Variants in FUNDC2 observed in about 807,000 individuals in gnomAD.
The protein encoded by FUNDC2 is FUN14 domain containing 2, also known as FUN14 domain-containing protein 2.
A neutral mutation model predicts 15.6 loss-of-function variants in FUNDC2; 4 were observed. That is an observed-to-expected ratio of 0.26 (90% CI 0.13 to 0.59). The LOEUF (loss-of-function observed/expected upper bound fraction) is 0.59. Among genes scored for constraint, FUNDC2 ranks in the 20% least tolerant of loss-of-function variants. The probability of loss-of-function intolerance (pLI) is 0.90; values close to 1 mark genes in which losing one functional copy is unlikely to be tolerated. For synonymous variants in FUNDC2, 44 were observed against 56.9 expected (o/e 0.77, Z 1.02); for missense variants, 98 against 149.7 (o/e 0.65, Z 1.80).
In FUNDC2 at chrX:155,058,150, G is replaced by A. The variant is rs1262806159; in HGVS notation, c.*3478G>A. On this transcript the variant is annotated 3_prime_UTR_variant, in exon 5 of 5. Transcript: ENST00000369498. Reference sequence around the variant, plus strand: ...GGTTCTTGACTCCCCTACCACTGGGGTGACAGTCCTTGCTACTGGATCTGG... The same window carrying A: ...GGTTCTTGACTCCCCTACCACTGGGATGACAGTCCTTGCTACTGGATCTGG... 2 of 111,578 alleles carry A rather than the reference G, an allele frequency of 1.8e-5. No homozygotes were observed. Among genetic ancestry groups the A allele is most frequent in the Admixed American group, 9.5e-5 (1 of 10,534 alleles). The allele number at this position is 111,578 out of a possible 1,213,427, so 9.2% of individuals were successfully genotyped here.
At position 155,059,350 on chromosome X, in the gene FUNDC2, A is replaced by G. The variant is rs1263004973; in HGVS notation, c.*4678A>G. ...TCACCCCACAAATGACTTACCCATT[A>G]CGAAGGGAAAACTACCTTTCTAGCT... On this transcript the variant is annotated 3_prime_UTR_variant, in exon 5 of 5. Transcript: ENST00000369498. The G allele has an allele frequency of 1.8e-5, 2 of 112,099 alleles. No individual in the cohort carries two copies. Among genetic ancestry groups the G allele is most frequent in the Admixed American group, 9.4e-5 (1 of 10,629 alleles). The allele number at this position is 112,099 out of a possible 1,213,427, so 9.2% of individuals were successfully genotyped here. A position where few individuals can be genotyped will look rare whatever the true frequency, so the allele number is the denominator to read the frequency against.
Position 155,055,865 on chromosome X carries a change from C to T in FUNDC2, c.*1193C>T, listed in dbSNP as rs1348612565. The T allele has an allele frequency of 1.8e-5, 2 of 112,138 alleles. No homozygotes were observed. The highest frequency in any genetic ancestry group is 6.5e-5 in the African/African-American group (2 of 30,846). 9.2% of individuals were successfully genotyped at this position (112,138 alleles called of 1,213,427 possible). A position where few individuals can be genotyped will look rare whatever the true frequency, so the allele number is the denominator to read the frequency against. Reference sequence around the variant, plus strand: ...GTTAGTTTTACTCAGAATTGTTAATCTTGGAGATGATCTCTTGTGAAATAT... The same window carrying T: ...GTTAGTTTTACTCAGAATTGTTAATTTTGGAGATGATCTCTTGTGAAATAT... On this transcript the variant is annotated 3_prime_UTR_variant, in exon 5 of 5. Coordinates refer to ENST00000369498, the MANE Select transcript of FUNDC2 (RefSeq NM_023934.4).
intron 2 of FUNDC2, among the ~76,000 whole-genome samples, chrX:155,034,213 A>G (rs1369251533): frequency 8.9e-6 from 1 of 112,753 alleles, no homozygotes; most frequent in African/African-American, 3.2e-5. Flanking sequence ...TTTTCTTTGT[A>G]GTTTTAACAC....
At chrX:155,030,137 AC>A (rs1557288608) in intron 1 of FUNDC2, among the ~76,000 whole-genome samples, 1 of 110,913 alleles carries the variant, frequency 9.0e-6, no homozygotes, top group African/African-American at 3.3e-5. Context: ...TTTTCTATAT[AC>A]ACCGTTATAT....
In FUNDC2 at chrX:155,054,831, T is replaced by G; in HGVS notation, c.*159T>G. 1 of 475,599 alleles carries G rather than the reference T, an allele frequency of 2.1e-6. No individual in the cohort carries two copies. Among genetic ancestry groups the G allele is most frequent in the Non-Finnish European group, 3.7e-6 (1 of 271,752 alleles). 39.2% of individuals were successfully genotyped at this position (475,599 alleles called of 1,213,427 possible). On this transcript the variant is annotated 3_prime_UTR_variant, in exon 5 of 5. Coordinates refer to ENST00000369498, the MANE Select transcript of FUNDC2 (RefSeq NM_023934.4). ...CTAAGCATCTGCTGGTACAAGTCAA[T>G]GTGGCACCATGAGCTTCATGGTGGC... is the stretch of plus-strand genomic sequence containing the variant.
intron 1 of FUNDC2, chrX:155,027,458 T>C (rs1557288381): frequency 1.7e-5 from 2 of 119,980 alleles, no homozygotes; most frequent in African/African-American, 6.4e-5. Context: ...AACTGCTTTA[T>C]TGTTGGTTTT....
rs187149300 is a variant in FUNDC2 at position 155,059,932 on chromosome X, T to G, written c.*5260T>G. The G allele has an allele frequency of 2.7e-5, 3 of 111,460 alleles. No homozygotes were observed. In the Admixed American group the frequency reaches 2.9e-4, roughly 11 times the overall value. 9.2% of individuals were successfully genotyped at this position (111,460 alleles called of 1,213,427 possible). A position where few individuals can be genotyped will look rare whatever the true frequency, so the allele number is the denominator to read the frequency against. On this transcript the variant is annotated 3_prime_UTR_variant, in exon 5 of 5. Transcript: ENST00000369498. ...CCATGTGGAGTGCTCACTCCCCTTTTGCTTTCTGCCATGGCTGTAAGTTTC... is the reference window on the plus strand; with the variant it reads ...CCATGTGGAGTGCTCACTCCCCTTTGGCTTTCTGCCATGGCTGTAAGTTTC...
intron 3 of FUNDC2, among the ~76,000 whole-genome samples, chrX:155,048,814 TTCAG>T (rs1458007084): frequency 1.8e-5 from 2 of 112,503 alleles, no homozygotes; most frequent in Non-Finnish European, 3.8e-5. Context: ...ACATCTGTGA[TTCAG>T]TTTTATTCCT....
Position 155,059,924 on chromosome X carries a change from T to C in FUNDC2, c.*5252T>C. The C allele has an allele frequency of 8.8e-6, 1 of 113,269 alleles. No homozygotes were observed. The highest frequency in any genetic ancestry group is 1.9e-5 in the Non-Finnish European group (1 of 53,392). The allele number at this position is 113,269 out of a possible 1,213,427, so 9.3% of individuals were successfully genotyped here. On this transcript the variant is annotated 3_prime_UTR_variant, in exon 5 of 5. Coordinates refer to ENST00000369498, the MANE Select transcript of FUNDC2 (RefSeq NM_023934.4). Reference sequence around the variant, plus strand: ...TGCTTTGGCCATGTGGAGTGCTCACTCCCCTTTTGCTTTCTGCCATGGCTG... The same window carrying C: ...TGCTTTGGCCATGTGGAGTGCTCACCCCCCTTTTGCTTTCTGCCATGGCTG...
Position 155,058,281 on chromosome X carries a change from G to C in FUNDC2, c.*3609G>C, listed in dbSNP as rs1212529747. 1.8e-5 allele frequency: 2 copies of C among 111,389 alleles called. No homozygotes were observed. Among genetic ancestry groups the C allele is most frequent in the African/African-American group, 3.3e-5 (1 of 30,546 alleles). 9.2% of individuals were successfully genotyped at this position (111,389 alleles called of 1,213,427 possible). On this transcript the variant is annotated 3_prime_UTR_variant, in exon 5 of 5. Coordinates refer to ENST00000369498, the MANE Select transcript of FUNDC2 (RefSeq NM_023934.4). ...ATTCTAGCCAACATGCTCTTGGGGT[G>C]GGTGCTTCTGGTTTTGGAAAGCAAA...
Position 155,027,065 on chromosome X carries a change from A to G in FUNDC2, c.127A>G (p.Ser43Gly), listed in dbSNP as rs1313321594. ...CAAGCTCACCGAAATGGCCGCGTCCAGTCAAGGTAAGGGCGGGCGCGCGCG... is the reference window on the plus strand; with the variant it reads ...CAAGCTCACCGAAATGGCCGCGTCCGGTCAAGGTAAGGGCGGGCGCGCGCG... ...RDKLTEMAAS[S>G]QGNFEGNFES... is the part of the protein sequence containing the mutation. The change falls in exon 1 of 5, where the codon AGT (serine) becomes GGT (glycine). Residue 43 changes from serine to glycine, a missense_variant. Coordinates refer to ENST00000369498, the MANE Select transcript of FUNDC2 (RefSeq NM_023934.4). 16 of 1,177,493 alleles carry G rather than the reference A, an allele frequency of 1.4e-5. No individual in the cohort carries two copies. In the Admixed American group the frequency reaches 2.1e-4, roughly 15 times the overall value.
chrX:155,041,610 T>C (rs2073846322), intron 2 of FUNDC2, among the ~76,000 whole-genome samples: 1 of 111,413 alleles, frequency 9.0e-6, no homozygotes. Context: ...GATCACTTAG[T>C]GTAGAATTCT....
At chrX:155,027,571 T>C (rs1557288389) in intron 1 of FUNDC2, among the ~76,000 whole-genome samples, 15 of 112,313 alleles carry the variant, frequency 1.3e-4, no homozygotes, top group Admixed American at 1.3e-3. Flanking sequence ...CTTTAAGTTA[T>C]GCGTCTTACC....
intron 2 of FUNDC2, among the ~76,000 whole-genome samples, chrX:155,039,558 T>A (rs184882153): frequency 1.8e-5 from 2 of 112,362 alleles, no homozygotes; most frequent in East Asian, 5.5e-4. Context: ...CTTTTGCATG[T>A]GGATAAACAG....
intron 3 of FUNDC2, among the ~76,000 whole-genome samples, chrX:155,047,944 G>A (rs2073867944): frequency 9.0e-6 from 1 of 111,011 alleles, no homozygotes; most frequent in South Asian, 3.8e-4. Context: ...TCCCTGCAAG[G>A]TGGGGCCCCT....
chrX:155,053,723 G>A, intron 4 of FUNDC2: 1 of 450,806 alleles, frequency 2.2e-6, no homozygotes, highest in Non-Finnish European at 2.8e-6. Flanking sequence ...CAGGGTGTGA[G>A]TAGCTTAGGT....
rs2073919041 is a variant in FUNDC2, at chrX:155,059,270, A to C, written c.*4598A>C. The stretch of plus-strand genomic sequence containing the variant: ...GAACACAAGTGTAATATTATAGTTC[A>C]TTAAATGTCTTAGGAATCGTGTGGA... On this transcript the variant is annotated 3_prime_UTR_variant, in exon 5 of 5. Transcript: ENST00000369498. The C allele has an allele frequency of 8.9e-6, 1 of 112,250 alleles. No individual in the cohort carries two copies. The highest frequency in any genetic ancestry group is 3.7e-4 in the South Asian group (1 of 2,718). 9.3% of individuals were successfully genotyped at this position (112,250 alleles called of 1,213,427 possible). A position where few individuals can be genotyped will look rare whatever the true frequency, so the allele number is the denominator to read the frequency against.
At position 155,055,270 on chromosome X, in the gene FUNDC2, T is replaced by G. The variant is rs1331887537; in HGVS notation, c.*598T>G. ...ATGCTTTCTACCGTACAGGATAATGTATCTCATGGCTGTTTCCAAAGGGTT... is the reference window on the plus strand; with the variant it reads ...ATGCTTTCTACCGTACAGGATAATGGATCTCATGGCTGTTTCCAAAGGGTT... On this transcript the variant is annotated 3_prime_UTR_variant, in exon 5 of 5. Transcript: ENST00000369498. 3.4e-6 allele frequency: 1 copy of G among 295,833 alleles called. No homozygotes were observed. Among genetic ancestry groups the G allele is most frequent in the Non-Finnish European group, 5.9e-6 (1 of 170,133 alleles). The allele number at this position is 295,833 out of a possible 1,213,427, so 24.4% of individuals were successfully genotyped here.
intron 1 of FUNDC2, among the ~76,000 whole-genome samples, chrX:155,030,539 TCAAAA>T (rs781824149): frequency 4.5e-5 from 5 of 110,647 alleles, no homozygotes; most frequent in Non-Finnish European, 7.6e-5. Flanking sequence ...AGACCCTGTC[TCAAAA>T]CAAAACAAAA....
Sources: gnomAD v4.1 joint callset for allele counts (sites outside exome capture counted in the v4.1 genomes callset) on GRCh38, gnomAD v4.1.1 for gene constraint, MANE v1.5 for transcripts, NCBI Gene and HGNC (gene_info 2026-07-23, HGNC 2026-07-21) for gene names.